FIBCD1: variants seen among roughly 807,000 people sequenced by gnomAD.
FIBCD1 encodes the protein fibrinogen C domain-containing protein 1.
Under a neutral mutation model 45.1 loss-of-function variants are expected in FIBCD1, and 47 were observed. That is an observed-to-expected ratio of 1.04 (90% confidence interval 0.82 to 1.33). FIBCD1 has a LOEUF of 1.33. Ranked by LOEUF, FIBCD1 falls within the 40% of genes most tolerant of loss-of-function variation. The pLI is 0.00. For missense variants in FIBCD1, 653 were observed against 682.2 expected (o/e 0.96, Z 0.48); for synonymous variants, 313 against 308.1 (o/e 1.02, Z -0.17).
In FIBCD1 at chr9:130,939,204, C is replaced by G. The variant is rs2133133531; in HGVS notation, c.-597G>C. 1 of 152,168 alleles carries G rather than the reference C, an allele frequency of 6.6e-6. No individual in the cohort carries two copies. The highest frequency in any genetic ancestry group is 2.4e-5 in the African/African-American group (1 of 41,564). 9.4% of individuals were successfully genotyped at this position (152,168 alleles called of 1,614,324 possible). A position where few individuals can be genotyped will look rare whatever the true frequency, so the allele number is the denominator to read the frequency against. Reference sequence around the variant, plus strand: ...GCCTCTGCACAAACTTCCTCCCGGACCGGACTCACACAAGTCACCATGCGC... The same window carrying G: ...GCCTCTGCACAAACTTCCTCCCGGAGCGGACTCACACAAGTCACCATGCGC... On this transcript the variant is annotated 5_prime_UTR_variant, in exon 1 of 7. Transcript: ENST00000372338.
At chr9:130,909,230 A>C (rs1831992200) in intron 5 of FIBCD1, among the ~76,000 whole-genome samples, 9 of 149,820 alleles carry the variant, frequency 6.0e-5, no homozygotes, top group African/African-American at 7.4e-5. Context: ...CACCCTTCTT[A>C]CCCTCTCCCT....
chr9:130,905,024 T>G (rs1831900727), intron 6 of FIBCD1, among the ~76,000 whole-genome samples: 2 of 152,238 alleles, frequency 1.3e-5, no homozygotes, highest in Admixed American at 1.3e-4. Flanking sequence ...GAAAAATTTA[T>G]TACTTAAAAA....
intron 4 of FIBCD1, among the ~76,000 whole-genome samples, chr9:130,916,628 G>A (rs867720181): frequency 5.9e-5 from 9 of 152,388 alleles, no homozygotes; most frequent in African/African-American, 1.7e-4. Flanking sequence ...CAGCTTCAGC[G>A]ACACTGGACC....
Position 130,903,452 on chromosome 9 carries a change from A to T in FIBCD1, c.*612T>A, listed in dbSNP as rs1277044412. ...TCTCAGCCTTGGAGCGTGGGTCCCCAAAGGCAGCAGCTCCCCATCCTGACC... is the reference window on the plus strand; with the variant it reads ...TCTCAGCCTTGGAGCGTGGGTCCCCTAAGGCAGCAGCTCCCCATCCTGACC... On this transcript the variant is annotated 3_prime_UTR_variant, in exon 7 of 7. Coordinates refer to ENST00000372338, the MANE Select transcript of FIBCD1 (RefSeq NM_032843.5). 1.2e-5 allele frequency: 2 copies of T among 168,590 alleles called. No homozygotes were observed. Among genetic ancestry groups the T allele is most frequent in the Non-Finnish European group, 2.6e-5 (2 of 78,054 alleles). 10.4% of individuals were successfully genotyped at this position (168,590 alleles called of 1,614,324 possible). A position where few individuals can be genotyped will look rare whatever the true frequency, so the allele number is the denominator to read the frequency against.
At chr9:130,937,645 G>A (rs1832539115) in intron 1 of FIBCD1, among the ~76,000 whole-genome samples, 1 of 152,190 alleles carries the variant, frequency 6.6e-6, no homozygotes, top group Non-Finnish European at 1.5e-5. Flanking sequence ...AAAATGGGCA[G>A]CCCTATTCTC....
At chr9:130,914,331 C>T (rs149673931) in intron 4 of FIBCD1, among the ~76,000 whole-genome samples, 3 of 152,336 alleles carry the variant, frequency 2.0e-5, no homozygotes, top group East Asian at 3.9e-4. Context: ...TACGAGGTCA[C>T]GGTTCTGCCC....
intron 4 of FIBCD1, among the ~76,000 whole-genome samples, chr9:130,919,029 G>C (rs1832213638): frequency 1.3e-5 from 2 of 152,148 alleles, no homozygotes; most frequent in Admixed American, 6.5e-5. Flanking sequence ...GTACCCCCAG[G>C]CTTGGCGCCC....
intron 1 of FIBCD1, among the ~76,000 whole-genome samples, chr9:130,930,569 C>A (rs948021911): frequency 6.6e-6 from 1 of 152,144 alleles, no homozygotes; most frequent in Non-Finnish European, 1.5e-5. Flanking sequence ...CTCGCTGCCC[C>A]TGCCACCCAC....
chr9:130,932,253 C>T (rs1426032984), intron 1 of FIBCD1, among the ~76,000 whole-genome samples: 3 of 152,200 alleles, frequency 2.0e-5, no homozygotes, highest in East Asian at 3.9e-4. Flanking sequence ...AAGGACCTGC[C>T]GGATGACCTA....
chr9:130,938,510 C>A, intron 1 of FIBCD1, 26 bp downstream of exon 1: 1 of 1,478,122 alleles, frequency 6.8e-7, no homozygotes, highest in Non-Finnish European at 8.9e-7. Flanking sequence ...GCCGCCCAGG[C>A]CCCGTGTCCC....
At chr9:130,937,533 A>G (rs1832537140) in intron 1 of FIBCD1, among the ~76,000 whole-genome samples, 1 of 152,216 alleles carries the variant, frequency 6.6e-6, no homozygotes. Context: ...AGCTCCTGAG[A>G]GGAAGGGACC....
chr9:130,907,325 C>T (rs1159552116), intron 5 of FIBCD1, among the ~76,000 whole-genome samples: 1 of 152,302 alleles, frequency 6.6e-6, no homozygotes, highest in Non-Finnish European at 1.5e-5. Context: ...GCCACCTCCT[C>T]CCTCCCTCGC....
At position 130,911,694 on chromosome 9, in the gene FIBCD1, C is replaced by A. The variant is rs1049526607; in HGVS notation, c.946+98G>T. On this transcript the variant is annotated intron_variant, in intron 5 of 6. Coordinates refer to ENST00000372338, the MANE Select transcript of FIBCD1 (RefSeq NM_032843.5). ...TCAGGTGTGCCGAGGCCAGGGAAACCCAGCCCAAACCCATTCAGGGAGCAG... is the reference window on the plus strand; with the variant it reads ...TCAGGTGTGCCGAGGCCAGGGAAACACAGCCCAAACCCATTCAGGGAGCAG... The A allele has an allele frequency of 1.6e-5, 18 of 1,137,518 alleles. No individual in the cohort carries two copies. In the African/African-American group the frequency reaches 2.3e-4, roughly 15 times the overall value. The allele number at this position is 1,137,518 out of a possible 1,614,324, so 70.5% of individuals were successfully genotyped here.
chr9:130,906,439 G>A (rs1414040688), intron 5 of FIBCD1, among the ~76,000 whole-genome samples: 2 of 152,180 alleles, frequency 1.3e-5, no homozygotes, highest in African/African-American at 4.8e-5. Context: ...CATCCCGCCC[G>A]GACAAGAAGC....
At chr9:130,921,071 G>C (rs893717696) in intron 4 of FIBCD1, among the ~76,000 whole-genome samples, 1 of 152,230 alleles carries the variant, frequency 6.6e-6, no homozygotes, top group Admixed American at 6.5e-5. Context: ...CCGGGGGTGG[G>C]GGGCAGGGGT....
At chr9:130,904,713 G>C (rs1447214606) in intron 6 of FIBCD1, among the ~76,000 whole-genome samples, 1 of 152,214 alleles carries the variant, frequency 6.6e-6, no homozygotes, top group Non-Finnish European at 1.5e-5. Context: ...CGGGTCTCCT[G>C]ATTCCTGGCT....
At position 130,903,047 on chromosome 9, in the gene FIBCD1, C is replaced by T. The variant is rs1340958734; in HGVS notation, c.*1017G>A. ...CACGGTCAATGGCAAGGGTTGGCCT[C>T]CTCATGGAGACAGCCACCTCAGGGA... On this transcript the variant is annotated 3_prime_UTR_variant, in exon 7 of 7. Transcript: ENST00000372338. 1 of 152,298 alleles carries T rather than the reference C, an allele frequency of 6.6e-6. No individual in the cohort carries two copies. The highest frequency in any genetic ancestry group is 1.5e-5 in the Non-Finnish European group (1 of 68,108). 9.4% of individuals were successfully genotyped at this position (152,298 alleles called of 1,614,324 possible).
intron 2 of FIBCD1, 133 bp from the exon 3 acceptor site, chr9:130,924,529 G>A: frequency 1.2e-6 from 1 of 862,240 alleles, no homozygotes; most frequent in African/African-American, 1.7e-5. Flanking sequence ...GCCCCGCCCT[G>A]CCCTGCCCCT....
chr9:130,929,076 T>A (rs1832403627), intron 2 of FIBCD1, among the ~76,000 whole-genome samples: 1 of 151,870 alleles, frequency 6.6e-6, no homozygotes, highest in Admixed American at 6.6e-5. Flanking sequence ...CCTGGACTGG[T>A]CTCTCTGTCC....
Sources: gnomAD v4.1 joint callset for allele counts (sites outside exome capture counted in the v4.1 genomes callset) on GRCh38, gnomAD v4.1.1 for gene constraint, MANE v1.5 for transcripts, NCBI Gene and HGNC (gene_info 2026-07-23, HGNC 2026-07-21) for gene names.